LDLRAD3: variants seen among roughly 807,000 people sequenced by gnomAD.
LDLRAD3 encodes low-density lipoprotein receptor class A domain-containing protein 3.
LDLRAD3 carries 20 observed loss-of-function variants against 29.4 expected under a neutral mutation model. That is an observed-to-expected ratio of 0.68 (90% CI 0.48 to 0.99). The LOEUF is 0.99. LDLRAD3 is among the 50% of genes least tolerant of loss of function. The pLI is 0.00. For missense variants in LDLRAD3, 420 were observed against 454.3 expected (o/e 0.92, Z 0.69); for synonymous variants, 157 against 192.7 (o/e 0.81, Z 1.53).
At chr11:36,191,147 C>A (rs1485207452) in intron 4 of LDLRAD3, among the ~76,000 whole-genome samples, 1 of 152,092 alleles carries the variant, frequency 6.6e-6, no homozygotes, top group East Asian at 1.9e-4. Flanking sequence ...CACTGAAGGG[C>A]CATCACAGGG....
chr11:36,074,610 C>G (rs932618818), intron 2 of LDLRAD3, among the ~76,000 whole-genome samples: 1 of 152,128 alleles, frequency 6.6e-6, no homozygotes, highest in Non-Finnish European at 1.5e-5. Context: ...AGGTTTTATT[C>G]TAACGTAATG....
At position 36,213,470 on chromosome 11, in the gene LDLRAD3, G is replaced by A. The variant is rs759751272; in HGVS notation, c.455-13615G>A. Among the ~76,000 whole-genome samples, 2 of 152,250 alleles carry A rather than the reference G, an allele frequency of 1.3e-5. No homozygotes were observed. Among genetic ancestry groups the A allele is most frequent in the Non-Finnish European group, 2.9e-5 (2 of 68,040 alleles). Reference sequence around the variant, plus strand: ...GCTTGGAATAGGGATCCGCAAAGGCGCTCCAGCCCCATGGGATGCTTTTTT... The same window carrying A: ...GCTTGGAATAGGGATCCGCAAAGGCACTCCAGCCCCATGGGATGCTTTTTT... On this transcript the variant is annotated intron_variant, in intron 4 of 5. Coordinates refer to ENST00000315571, the MANE Select transcript of LDLRAD3 (RefSeq NM_174902.4). This position sits in a 1 kb window ranked among gnomAD's most constrained non-coding sequence, Gnocchi z 4.1.
chr11:36,121,967 G>A (rs1444292552), intron 4 of LDLRAD3, among the ~76,000 whole-genome samples: 1 of 152,184 alleles, frequency 6.6e-6, no homozygotes, highest in Non-Finnish European at 1.5e-5. Flanking sequence ...AATCCTTTGA[G>A]GAAGTTATTT....
intron 4 of LDLRAD3, among the ~76,000 whole-genome samples, chr11:36,133,200 C>CTTTTTTT (rs1352865564): frequency 2.7e-5 from 3 of 111,722 alleles, no homozygotes; most frequent in Middle Eastern, 4.9e-3. Context: ...TGTCCATTTT[C>CTTTTTTT]TTTTTTCTTT....
At chr11:36,084,565 G>T (rs573747146) in intron 3 of LDLRAD3, among the ~76,000 whole-genome samples, 1 of 152,202 alleles carries the variant, frequency 6.6e-6, no homozygotes, top group East Asian at 1.9e-4. Context: ...TTATCCCCTC[G>T]TTCCTATGTG....
chr11:36,016,956 T>G (rs1334537741), intron 1 of LDLRAD3, among the ~76,000 whole-genome samples: 1 of 152,174 alleles, frequency 6.6e-6, no homozygotes, highest in East Asian at 1.9e-4. Context: ...AATTAAAAGA[T>G]AAAAATATAA....
At chr11:36,034,668 C>T (rs1327728830) in intron 1 of LDLRAD3, among the ~76,000 whole-genome samples, 1 of 152,106 alleles carries the variant, frequency 6.6e-6, no homozygotes, top group Non-Finnish European at 1.5e-5. Context: ...TGGTTGTTGC[C>T]CGCTTGTTCT....
chr11:36,098,599 C>T (rs1488339375), intron 4 of LDLRAD3, 138 bp downstream of exon 4: 2 of 955,722 alleles, frequency 2.1e-6, no homozygotes, highest in Non-Finnish European at 3.1e-6. Context: ...GCCTTGCAGC[C>T]CTTGTACAGG....
chr11:36,200,981 T>C (rs569024755), intron 4 of LDLRAD3, among the ~76,000 whole-genome samples: 4 of 152,182 alleles, frequency 2.6e-5, no homozygotes, highest in Non-Finnish European at 5.9e-5. Flanking sequence ...ATAAAAGACC[T>C]GATGGGAACA....
At chr11:36,099,353 TG>T (rs1271490454) in intron 4 of LDLRAD3, among the ~76,000 whole-genome samples, 1 of 152,228 alleles carries the variant, frequency 6.6e-6, no homozygotes, top group African/African-American at 2.4e-5. Context: ...AGATTTAAAA[TG>T]CACATCTGTT....
chr11:36,057,579 C>T (rs966057376), intron 2 of LDLRAD3, among the ~76,000 whole-genome samples: 4 of 152,180 alleles, frequency 2.6e-5, no homozygotes, highest in African/African-American at 9.6e-5. Context: ...TACGCTATTA[C>T]TTGGCCTTGA....
At chr11:36,135,527 T>C (rs1853990746) in intron 4 of LDLRAD3, among the ~76,000 whole-genome samples, 1 of 152,184 alleles carries the variant, frequency 6.6e-6, no homozygotes, top group South Asian at 2.1e-4. Flanking sequence ...CCCAAAACAG[T>C]GATTTAAAAA....
At chr11:36,195,243 T>G (rs1353233023) in intron 4 of LDLRAD3, among the ~76,000 whole-genome samples, 3 of 152,014 alleles carry the variant, frequency 2.0e-5, no homozygotes, top group Non-Finnish European at 4.4e-5. Context: ...TGAATAGTGG[T>G]AGGATGAGGA....
intron 1 of LDLRAD3, among the ~76,000 whole-genome samples, chr11:36,000,097 AG>A (rs1424205535): frequency 1.3e-5 from 2 of 152,164 alleles, no homozygotes; most frequent in African/African-American, 2.4e-5. Flanking sequence ...TAAATCTCTA[AG>A]GAGACTTTAG....
chr11:36,065,815 C>A (rs7930040), intron 2 of LDLRAD3, among the ~76,000 whole-genome samples: 7,911 of 152,118 alleles, frequency 0.052, 660 homozygotes, highest in African/African-American at 0.18. Flanking sequence ...TGAGACAAAA[C>A]CTGAGTTTTA....
chr11:36,201,416 G>C (rs978557623), intron 4 of LDLRAD3, among the ~76,000 whole-genome samples: 2 of 152,194 alleles, frequency 1.3e-5, no homozygotes, highest in African/African-American at 2.4e-5. Context: ...AACCAGATTT[G>C]CCATAATGCC....
chr11:36,117,651 C>A (rs557432172), intron 4 of LDLRAD3, among the ~76,000 whole-genome samples: 1 of 152,206 alleles, frequency 6.6e-6, no homozygotes, highest in East Asian at 1.9e-4. Context: ...TCCCACCCAG[C>A]GTGACAGTGT....
chr11:36,011,633 G>A (rs1357884920), intron 1 of LDLRAD3, among the ~76,000 whole-genome samples: 3 of 152,170 alleles, frequency 2.0e-5, no homozygotes, highest in Non-Finnish European at 4.4e-5. Flanking sequence ...TGTAACTTAT[G>A]TATTCTTCAT....
chr11:35,946,984 G>A (rs1851065334), intron 1 of LDLRAD3, among the ~76,000 whole-genome samples: 1 of 152,092 alleles, frequency 6.6e-6, no homozygotes, highest in Non-Finnish European at 1.5e-5. Flanking sequence ...GGTGTGAGAT[G>A]TTTTTTCCTG....
Sources: allele counts gnomAD v4.1 joint callset (sites outside exome capture counted in the v4.1 genomes callset), GRCh38; gene constraint gnomAD v4.1.1; non-coding constraint Gnocchi (gnomAD v3.1); transcripts MANE v1.5; gene names NCBI Gene and HGNC (gene_info 2026-07-23, HGNC 2026-07-21).